ARHGAP18: variants seen among roughly 807,000 people sequenced by gnomAD.
ARHGAP18 encodes rho GTPase-activating protein 18.
In ARHGAP18, 67 loss-of-function variants were observed where a neutral mutation model predicts 86.2. The ratio of observed to expected loss-of-function variants is 0.78; its 90% confidence interval spans 0.64 to 0.95. ARHGAP18 has a LOEUF of 0.95. Ranked by LOEUF, ARHGAP18 falls within the 40% of genes least tolerant of loss-of-function variation. The pLI is 0.00. For missense variants in ARHGAP18, 691 were observed against 780.4 expected (o/e 0.89, Z 1.37); for synonymous variants, 283 against 280.4 (o/e 1.01, Z -0.09).
Position 129,618,813 on chromosome 6 carries a change from T to C in ARHGAP18, c.826A>G (p.Ile276Val). The change falls in exon 6 of 15, where the codon ATT (isoleucine) becomes GTT (valine). Residue 276 changes from isoleucine (I) to valine (V), a missense_variant. Coordinates refer to ENST00000368149, the MANE Select transcript of ARHGAP18 (RefSeq NM_033515.3). Reference protein sequence around the residue: ...LPKDKTGTTRIGDLAPQDMKK... With the variant: ...LPKDKTGTTRVGDLAPQDMKK... ...ATGTCCTGGGGTGCGAGGTCACCAATCCTTGTGGTACCCGTTTTGTCTTTT... is the reference window on the plus strand; with the variant it reads ...ATGTCCTGGGGTGCGAGGTCACCAACCCTTGTGGTACCCGTTTTGTCTTTT... 1.9e-6 allele frequency: 3 copies of C among 1,613,074 alleles called. No individual in the cohort carries two copies. The highest frequency in any genetic ancestry group is 2.5e-6 in the Non-Finnish European group (3 of 1,179,824).
At chr6:129,582,235 T>C (rs1023467691) in intron 13 of ARHGAP18, among the ~76,000 whole-genome samples, 1 of 152,156 alleles carries the variant, frequency 6.6e-6, no homozygotes, top group African/African-American at 2.4e-5. Flanking sequence ...TGTCAGACGA[T>C]AGTTGTCACA....
intron 1 of ARHGAP18, among the ~76,000 whole-genome samples, chr6:129,657,837 G>A (rs1773871016): frequency 6.6e-6 from 1 of 152,176 alleles, no homozygotes; most frequent in Admixed American, 6.5e-5. Flanking sequence ...AAGCGATGGA[G>A]TATGCATGAC....
At chr6:129,677,504 T>G (rs539230348) in intron 1 of ARHGAP18, among the ~76,000 whole-genome samples, 2 of 152,370 alleles carry the variant, frequency 1.3e-5, no homozygotes, top group African/African-American at 4.8e-5. Context: ...TTTAGCCAGT[T>G]TGGTGCACTC....
rs142762295 is a variant in ARHGAP18, at chr6:129,618,853, C to T, written c.787-1G>A. The T allele has an allele frequency of 6.2e-7, 1 of 1,610,812 alleles. No homozygotes were observed. The highest frequency in any genetic ancestry group is 8.5e-7 in the Non-Finnish European group (1 of 1,179,042). ...TTTTGTCTTTTGGCAATCTGAAACT[C>T]TAAAATAAACATCATTAATATAGTA... On this transcript the variant is annotated splice_acceptor_variant, in intron 5 of 14. Transcript: ENST00000368149. LOFTEE classifies it high-confidence loss of function.
At chr6:129,605,995 T>A (rs1421840094) in intron 9 of ARHGAP18, 36 bp from the exon 10 acceptor site, 1 of 1,577,460 alleles carries the variant, frequency 6.3e-7, no homozygotes, top group Non-Finnish European at 8.7e-7. Context: ...ACTCTTTTCT[T>A]CAGTGAACAT....
chr6:129,612,537 T>C (rs1789001445), intron 7 of ARHGAP18, among the ~76,000 whole-genome samples: 1 of 152,150 alleles, frequency 6.6e-6, no homozygotes, highest in Non-Finnish European at 1.5e-5. Flanking sequence ...CCCTAAGGCA[T>C]AAAATCTTCT....
At chr6:129,622,412 G>A (rs751178469) in intron 5 of ARHGAP18, among the ~76,000 whole-genome samples, 7 of 151,738 alleles carry the variant, frequency 4.6e-5, no homozygotes, top group Admixed American at 6.6e-5. Flanking sequence ...TAATACAGCC[G>A]TTTAAAGCAT....
At chr6:129,663,733 T>C (rs78778573) in intron 1 of ARHGAP18, among the ~76,000 whole-genome samples, 1 of 152,246 alleles carries the variant, frequency 6.6e-6, no homozygotes, top group African/African-American at 2.4e-5. Context: ...TCTGTGAACT[T>C]TGACAGTCCA....
At chr6:129,709,990 G>T (rs1554345623) in intron 1 of ARHGAP18, 34 bp downstream of exon 1, 3 of 1,539,044 alleles carry the variant, frequency 1.9e-6, no homozygotes, top group Admixed American at 3.3e-5. Context: ...CAGGTAAGAG[G>T]GTTTTGTTTT....
At chr6:129,594,685 C>T (rs1331064814) in intron 12 of ARHGAP18, among the ~76,000 whole-genome samples, 1 of 152,078 alleles carries the variant, frequency 6.6e-6, no homozygotes, top group Non-Finnish European at 1.5e-5. Flanking sequence ...CTAAAGTCAC[C>T]CAAGGCCAAA....
chr6:129,672,794 T>G (rs549400494), intron 1 of ARHGAP18, among the ~76,000 whole-genome samples: 1 of 152,360 alleles, frequency 6.6e-6, no homozygotes, highest in African/African-American at 2.4e-5. Context: ...AAAACATATT[T>G]CCTTCAAAAT....
Position 129,629,447 on chromosome 6 carries a change from T to G in ARHGAP18, c.692A>C (p.Asn231Thr). Reference sequence around the variant, plus strand: ...TTGCTCGGCAAATGATACCTCCAGGTTGATGTCTGTTTCAGGGGCAGGCGT... The same window carrying G: ...TTGCTCGGCAAATGATACCTCCAGGGTGATGTCTGTTTCAGGGGCAGGCGT... ...EETPAPETDI[N>T]LEVSFAEQAL... Residue 231 changes from asparagine (N) to threonine (T), a missense_variant, in exon 5 of 15, where the codon AAC (asparagine) becomes ACC (threonine). Physicochemically the swap from Asn to Thr is moderately conservative, Grantham distance 65. Transcript: ENST00000368149. The G allele has an allele frequency of 6.2e-7, 1 of 1,613,956 alleles. No individual in the cohort carries two copies. The highest frequency in any genetic ancestry group is 8.5e-7 in the Non-Finnish European group (1 of 1,179,948).
chr6:129,709,553 T>C (rs923747426), intron 1 of ARHGAP18, among the ~76,000 whole-genome samples: 10 of 152,166 alleles, frequency 6.6e-5, no homozygotes, highest in African/African-American at 2.4e-4. Context: ...AGAGGTTTGC[T>C]TTCAGCAAAG....
chr6:129,610,354 A>G (rs964152655), intron 8 of ARHGAP18, among the ~76,000 whole-genome samples: 3 of 152,248 alleles, frequency 2.0e-5, no homozygotes, highest in Non-Finnish European at 4.4e-5. Flanking sequence ...AGGCACAAAG[A>G]TGACAGCAGG....
chr6:129,581,704 T>C (rs899472857), intron 13 of ARHGAP18, among the ~76,000 whole-genome samples: 2 of 152,152 alleles, frequency 1.3e-5, no homozygotes, highest in Admixed American at 6.5e-5. Flanking sequence ...TTATTATACA[T>C]ATATTGTATA....
intron 10 of ARHGAP18, among the ~76,000 whole-genome samples, chr6:129,602,963 A>G (rs1235165677): frequency 6.7e-6 from 1 of 150,254 alleles, no homozygotes; most frequent in Non-Finnish European, 1.5e-5. Context: ...AGAATTTTCT[A>G]TCTGAACCTT....
chr6:129,580,612 T>A (rs971230298), intron 13 of ARHGAP18, among the ~76,000 whole-genome samples: 1 of 152,124 alleles, frequency 6.6e-6, no homozygotes, highest in Non-Finnish European at 1.5e-5. Context: ...TCTGACTGGG[T>A]GTGAAGGCTC....
chr6:129,584,482 T>C (rs576927625), intron 12 of ARHGAP18, among the ~76,000 whole-genome samples: 11 of 152,362 alleles, frequency 7.2e-5, no homozygotes, highest in East Asian at 3.9e-4. Context: ...TACTGCAGTA[T>C]GTACATTTGA....
chr6:129,646,958 C>T (rs771385166), intron 1 of ARHGAP18, among the ~76,000 whole-genome samples: 4 of 152,128 alleles, frequency 2.6e-5, no homozygotes, highest in South Asian at 2.1e-4. Flanking sequence ...TGAAAATGCA[C>T]GTTTCAATTC....
Sources: gnomAD v4.1 joint callset for allele counts (sites outside exome capture counted in the v4.1 genomes callset) on GRCh38, gnomAD v4.1.1 for gene constraint, MANE v1.5 for transcripts, NCBI Gene and HGNC (gene_info 2026-07-23, HGNC 2026-07-21) for gene names.